ADK: variants seen among roughly 807,000 people sequenced by gnomAD.
The protein encoded by ADK is N6,N6-dimethyladenosine kinase.
In ADK, 24 loss-of-function variants were observed where a neutral mutation model predicts 44.7. That is an observed-to-expected ratio of 0.54 (90% CI 0.39 to 0.76). ADK has a LOEUF of 0.76. Ranked by LOEUF, ADK falls within the 30% of genes least tolerant of loss-of-function variation. The probability of loss-of-function intolerance (pLI) is 0.00; values close to 1 mark genes in which losing one functional copy is unlikely to be tolerated. For missense variants in ADK, 321 were observed against 425.1 expected (o/e 0.76, Z 2.15); for synonymous variants, 128 against 142.6 (o/e 0.90, Z 0.73).
chr10:74,239,245 A>G (rs1845098237), intron 3 of ADK, among the ~76,000 whole-genome samples: 1 of 152,092 alleles, frequency 6.6e-6, no homozygotes, highest in African/African-American at 2.4e-5. Context: ...TGTAACTATC[A>G]ACACATGTTA....
At chr10:74,229,842 GC>G (rs1211961872) in intron 3 of ADK, among the ~76,000 whole-genome samples, 1 of 151,990 alleles carries the variant, frequency 6.6e-6, no homozygotes, top group Non-Finnish European at 1.5e-5. Flanking sequence ...TTGGAGACCA[GC>G]CTGGACAATA....
intron 7 of ADK, among the ~76,000 whole-genome samples, chr10:74,588,160 T>C (rs1322066706): frequency 6.6e-6 from 1 of 152,170 alleles, no homozygotes; most frequent in Non-Finnish European, 1.5e-5. Context: ...CATTTTAATT[T>C]TTTTCTGCAG....
intron 7 of ADK, among the ~76,000 whole-genome samples, chr10:74,544,296 ACTTCCC>A (rs1490224618): frequency 6.6e-6 from 1 of 152,176 alleles, no homozygotes; most frequent in East Asian, 1.9e-4. Flanking sequence ...TCTGGTGACC[ACTTCCC>A]ATCCTGGGGC....
chr10:74,273,570 G>A (rs1465101787), intron 3 of ADK, among the ~76,000 whole-genome samples: 1 of 151,850 alleles, frequency 6.6e-6, no homozygotes, highest in Non-Finnish European at 1.5e-5. Flanking sequence ...CAATTCTCCT[G>A]CCTTGGTCCC....
chr10:74,417,223 C>T (rs1844404849), intron 6 of ADK, among the ~76,000 whole-genome samples: 1 of 152,108 alleles, frequency 6.6e-6, no homozygotes, highest in South Asian at 2.1e-4. Context: ...TTAGTGCCAG[C>T]AATAAGCAGA....
At chr10:74,690,915 C>T (rs3781255) in intron 10 of ADK, among the ~76,000 whole-genome samples, 105,916 of 152,066 alleles carry the variant, frequency 0.7, 37,098 homozygotes, top group Middle Eastern at 0.79. Flanking sequence ...TCCAGATTTT[C>T]ACTTTCTTTT....
intron 7 of ADK, among the ~76,000 whole-genome samples, chr10:74,579,325 T>A (rs977471021): frequency 2.0e-5 from 3 of 152,138 alleles, no homozygotes; most frequent in African/African-American, 7.2e-5. Context: ...TACATTTTTT[T>A]AAACTAATAA....
At chr10:74,694,146 C>CTTTTTTTTTTTTTT (rs1266786094) in intron 10 of ADK, among the ~76,000 whole-genome samples, 39 of 36,260 alleles carry the variant, frequency 1.1e-3, no homozygotes, top group South Asian at 3.1e-3. Context: ...TTTTCAAACA[C>CTTTTTTTTTTTTTT]ATTTTTTTTT....
At chr10:74,302,090 GTTTTTTTTTTGTTTGTTT>G (rs1564642135) in intron 3 of ADK, among the ~76,000 whole-genome samples, 17 of 17,034 alleles carry the variant, frequency 1.0e-3, no homozygotes, top group African/African-American at 4.3e-3. Flanking sequence ...TTTCTTTTCT[GTTTTTTTTTTGTTTGTTT>G]GTTTTTTTTT....
chr10:74,678,156 A>AG (rs1017084843), intron 10 of ADK, among the ~76,000 whole-genome samples: 1 of 151,370 alleles, frequency 6.6e-6, no homozygotes, highest in African/African-American at 2.4e-5. Context: ...AAAAAAAAAA[A>AG]AAAAGGATAT....
At chr10:74,427,069 A>G (rs1309391289) in intron 6 of ADK, among the ~76,000 whole-genome samples, 1 of 152,232 alleles carries the variant, frequency 6.6e-6, no homozygotes, top group African/African-American at 2.4e-5. Flanking sequence ...TAAAGAAGAA[A>G]GAAATGAAGG....
In ADK at chr10:74,559,223, G is replaced by C. The variant is rs553296801; in HGVS notation, c.727-30059G>C. On this transcript the variant is annotated intron_variant, in intron 7 of 10. Coordinates refer to ENST00000539909, the MANE Select transcript of ADK (RefSeq NM_006721.4). Reference sequence around the variant, plus strand: ...CTGACCTCCATTCCTTGGCCCAGCTGCCCAGGCATGGCAGACTACACGCAA... The same window carrying C: ...CTGACCTCCATTCCTTGGCCCAGCTCCCCAGGCATGGCAGACTACACGCAA... 3.9e-5 allele frequency among the ~76,000 whole-genome samples: 6 copies of C among 152,278 alleles called. No individual in the cohort carries two copies. In the South Asian group the frequency reaches 1.2e-3, roughly 32 times the overall value.
intron 9 of ADK, among the ~76,000 whole-genome samples, chr10:74,601,939 GAAAAA>G (rs11447835): frequency 7.2e-6 from 1 of 139,206 alleles, no homozygotes; most frequent in Non-Finnish European, 1.6e-5. Flanking sequence ...AAAAAAAATG[GAAAAA>G]AAAAAAAAAT....
intron 2 of ADK, among the ~76,000 whole-genome samples, chr10:74,204,923 CCA>C (rs1482690383): frequency 3.8e-4 from 58 of 151,536 alleles, no homozygotes; most frequent in Non-Finnish European, 6.3e-4. Flanking sequence ...ACCTGTAGTC[CCA>C]GTTACTCGGG....
At chr10:74,303,509 TTTTC>T (rs1840130898) in intron 3 of ADK, among the ~76,000 whole-genome samples, 1 of 151,776 alleles carries the variant, frequency 6.6e-6, no homozygotes, top group African/African-American at 2.4e-5. Flanking sequence ...AAACTTGTGG[TTTTC>T]TTTATTTGTA....
intron 4 of ADK, among the ~76,000 whole-genome samples, chr10:74,358,727 A>G (rs1455983122): frequency 6.6e-6 from 1 of 152,252 alleles, no homozygotes; most frequent in Admixed American, 6.5e-5. Context: ...AACAAATACT[A>G]CATCTCTCCA....
In ADK at chr10:74,313,455, A is replaced by G. The variant is rs901433134; in HGVS notation, c.195-1212A>G. On this transcript the variant is annotated intron_variant, in intron 3 of 10. Coordinates refer to ENST00000539909, the MANE Select transcript of ADK (RefSeq NM_006721.4). ...ATATTGAAAATTTCTAGTTTCAAAA[A>G]TTTCCTCCCTTCTCAGCATAGAATA... 2.6e-5 allele frequency among the ~76,000 whole-genome samples: 4 copies of G among 152,016 alleles called. 1 individual carries two copies. Among genetic ancestry groups the G allele is most frequent in the African/African-American group, 4.8e-5 (2 of 41,502 alleles).
intron 1 of ADK, among the ~76,000 whole-genome samples, chr10:74,155,210 A>G (rs1841713341): frequency 1.3e-5 from 2 of 152,154 alleles, no homozygotes; most frequent in Non-Finnish European, 2.9e-5. Flanking sequence ...GGAGCTGGGC[A>G]TGGTGGCTCA....
intron 7 of ADK, among the ~76,000 whole-genome samples, chr10:74,541,670 G>A (rs1287437193): frequency 6.6e-6 from 1 of 151,572 alleles, no homozygotes; most frequent in Non-Finnish European, 1.5e-5. Flanking sequence ...GCACATTCCT[G>A]TAGTCCCAAC....
Sources: gnomAD v4.1 joint callset for allele counts (sites outside exome capture counted in the v4.1 genomes callset) on GRCh38, gnomAD v4.1.1 for gene constraint, MANE v1.5 for transcripts, NCBI Gene and HGNC (gene_info 2026-07-23, HGNC 2026-07-21) for gene names.